The following INF2 variants were observed in gnomAD, a reference collection of about 807,000 sequenced individuals.
The protein encoded by INF2 is inverted formin-2.
INF2 carries 43 observed loss-of-function variants against 123.5 expected under a neutral mutation model. The ratio of observed to expected loss-of-function variants is 0.35; its 90% CI spans 0.27 to 0.45. The LOEUF (loss-of-function observed/expected upper bound fraction) is 0.45, where lower values mean the gene tolerates loss of function less well. INF2 is among the 20% of genes least tolerant of loss of function. The pLI is 1.00. For missense variants in INF2, 1,453 were observed against 1,682.7 expected, an observed-to-expected ratio of 0.86 and a Z score of 2.39; for synonymous variants, 851 against 745.0, an observed-to-expected ratio of 1.14 and a Z score of -2.32.
At chr14:104,718,246 A>G (rs1890406001) in intron 22 of INF2, among the ~76,000 whole-genome samples, 2 of 152,176 alleles carry the variant, frequency 1.3e-5, no homozygotes, top group Admixed American at 6.5e-5. Context: ...ACACTCAGAC[A>G]AGGGCCATCG....
chr14:104,710,453 A>G (rs1028728813), intron 13 of INF2, among the ~76,000 whole-genome samples: 5 of 151,578 alleles, frequency 3.3e-5, no homozygotes, highest in Admixed American at 1.3e-4. Flanking sequence ...CGGCACGCGC[A>G]CACACAAGCA....
Position 104,711,753 on chromosome 14 carries a change from G to A in INF2, c.2489+54G>A, listed in dbSNP as rs986845767. ...TCAGCCAGGTGGGGGCCTGACTTCT[G>A]TCCCCAGGCAGTGAGGTGGCTGCCC... On this transcript the variant is annotated intron_variant, in intron 16 of 22. Coordinates refer to ENST00000392634, the MANE Select transcript of INF2 (RefSeq NM_022489.4). The A allele has an allele frequency of 9.7e-6, 15 of 1,545,966 alleles. No individual in the cohort carries two copies. The African/African-American group carries it at 1.4e-4, about 14-fold the overall frequency.
chr14:104,711,302 C>G, intron 15 of INF2, 116 bp downstream of exon 15: 1 of 900,074 alleles, frequency 1.1e-6, no homozygotes, highest in Non-Finnish European at 1.7e-6. Flanking sequence ...GTCTCCCTGT[C>G]TCAGGGCTCC....
At chr14:104,704,069 C>A (rs747085662) in intron 5 of INF2, 120 bp downstream of exon 5, 110 of 1,552,076 alleles carry the variant, frequency 7.1e-5, no homozygotes, top group Non-Finnish European at 8.9e-5. Context: ...AGGGAGGTGG[C>A]TCCCTCGGAG....
chr14:104,717,950 G>C (rs1595184852), intron 22 of INF2, among the ~76,000 whole-genome samples: 1 of 152,106 alleles, frequency 6.6e-6, no homozygotes, highest in Non-Finnish European at 1.5e-5. Context: ...CCGTGCATTT[G>C]ATGGGGACCA....
chr14:104,688,909 G>A (rs1233042744), upstream of INF2, among the ~76,000 whole-genome samples: 1 of 152,268 alleles, frequency 6.6e-6, no homozygotes, highest in Non-Finnish European at 1.5e-5. Flanking sequence ...TGTCGGCGGT[G>A]GGGGGATGGG....
At chr14:104,694,234 C>T (rs1168790932) in intron 1 of INF2, among the ~76,000 whole-genome samples, 3 of 152,242 alleles carry the variant, frequency 2.0e-5, no homozygotes, top group Admixed American at 2.0e-4. Context: ...GGAGAACATC[C>T]TGGCCATTTT....
At chr14:104,706,490 C>G (rs2140664363) in intron 6 of INF2, among the ~76,000 whole-genome samples, 1 of 152,316 alleles carries the variant, frequency 6.6e-6, no homozygotes, top group South Asian at 2.1e-4. Flanking sequence ...TGGGCCCCAG[C>G]TGCCCAGTCC....
At chr14:104,708,299 G>T (rs1271732881) in intron 8 of INF2, 137 bp from the exon 9 acceptor site, 3 of 1,141,304 alleles carry the variant, frequency 2.6e-6, no homozygotes, top group Non-Finnish European at 3.7e-6. Context: ...TAGGGTGCCT[G>T]CTGTACGCTG....
chr14:104,703,562 AC>A, intron 4 of INF2, 108 bp downstream of exon 4: 1 of 1,443,666 alleles, frequency 6.9e-7, no homozygotes, highest in Non-Finnish European at 9.6e-7. Context: ...GCTGCCCCCG[AC>A]CCAGGGCCCC....
chr14:104,717,359 C>T (rs117495592), intron 22 of INF2, among the ~76,000 whole-genome samples: 2,055 of 148,410 alleles, frequency 0.014, 27 homozygotes, highest in South Asian at 0.045. Flanking sequence ...GGTGCGCTGC[C>T]GTCCTCCCAG....
chr14:104,702,005 T>G (rs1353065816), intron 2 of INF2, among the ~76,000 whole-genome samples: 2 of 152,136 alleles, frequency 1.3e-5, no homozygotes, highest in Non-Finnish European at 2.9e-5. Flanking sequence ...TGTGCCCCTC[T>G]CTGTTGTGTG....
At chr14:104,717,838 G>A (rs1352031679) in intron 22 of INF2, among the ~76,000 whole-genome samples, 1 of 152,224 alleles carries the variant, frequency 6.6e-6, no homozygotes, top group East Asian at 1.9e-4. Context: ...AACCGCTGCA[G>A]CGCGGTTCTG....
At chr14:104,709,574 G>A (rs749800112) in intron 11 of INF2, 46 bp from the exon 12 acceptor site, 1 of 1,558,300 alleles carries the variant, frequency 6.4e-7, no homozygotes, top group Non-Finnish European at 8.8e-7. Context: ...CGGGAGGGCG[G>A]GAAGCTGGCA....
At chr14:104,700,718 C>G (rs921805943) in intron 1 of INF2, 9 of 405,130 alleles carry the variant, frequency 2.2e-5, no homozygotes, top group African/African-American at 2.0e-4. Context: ...TGGTAAAACC[C>G]TGAGTGCCAA....
At position 104,710,931 on chromosome 14, in the gene INF2, C is replaced by T; in HGVS notation, c.2240-6C>T. The T allele has an allele frequency of 2.5e-6, 4 of 1,612,120 alleles. 1 individual carries two copies. The South Asian group carries it at 4.4e-5, about 18-fold the overall frequency. ...AGCCCCTCTCCAGCCCTGGCTGCCC[C>T]TGCAGGCCTGCTCACCAGCCGCCAG... is the stretch of plus-strand genomic sequence containing the variant. On this transcript the variant is annotated splice_region_variant and splice_polypyrimidine_tract_variant and intron_variant, in intron 13 of 22. Transcript: ENST00000392634.
Position 104,691,734 on chromosome 14 carries a change from C to T in INF2, c.-10+1995C>T, listed in dbSNP as rs543298138. Among the ~76,000 whole-genome samples the T allele has an allele frequency of 2.6e-5, 4 of 152,230 alleles. 1 individual carries two copies. The South Asian group carries it at 8.3e-4, about 32-fold the overall frequency. On this transcript the variant is annotated intron_variant, in intron 1 of 22. Coordinates refer to ENST00000392634, the MANE Select transcript of INF2 (RefSeq NM_022489.4). ...GTGGGAAGGAGAGAGGGCAGGGGCACGGGCTCCCCGTCGCTGGAGGGGTGA... is the reference window on the plus strand; with the variant it reads ...GTGGGAAGGAGAGAGGGCAGGGGCATGGGCTCCCCGTCGCTGGAGGGGTGA...
rs189246680 is a variant in INF2 at position 104,699,267 on chromosome 14, G to T, written c.-9-2090G>T. 1 of 366,058 alleles carries T rather than the reference G, an allele frequency of 2.7e-6. No homozygotes were observed. The highest frequency in any genetic ancestry group is 2.3e-5 in the African/African-American group (1 of 44,372). 22.7% of individuals were successfully genotyped at this position (366,058 alleles called of 1,614,324 possible). ...CGGGCCTGGGAGAGTTCATAACTCC[G>T]TCCACTCAGCCTGTGCCAAGGGGAC... On this transcript the variant is annotated intron_variant, in intron 1 of 22. Transcript: ENST00000392634. This position sits in a 1 kb window ranked among gnomAD's most constrained non-coding sequence, Gnocchi z 4.7.
chr14:104,714,791 CCCGGGG>C lies in INF2; in HGVS notation c.3635_3640del (p.Gly1212_Arg1213del). 1.3e-6 allele frequency: 2 copies of C among 1,597,204 alleles called. No homozygotes were observed. Among genetic ancestry groups the C allele is most frequent in the Non-Finnish European group, 1.7e-6 (2 of 1,173,936 alleles). On this transcript the variant is annotated inframe_deletion, in exon 21 of 23. Transcript: ENST00000392634. ...TCGGGGTCGGGCACACTCCCCAGGGCCCGGGGCCGGGCCTCAAAGGGGACCGGGAAG... is the reference window on the plus strand; with the variant it reads ...TCGGGGTCGGGCACACTCCCCAGGGCCCGGGCCTCAAAGGGGACCGGGAAG...
Sources: gnomAD v4.1 joint callset for allele counts (sites outside exome capture counted in the v4.1 genomes callset) on GRCh38, gnomAD v4.1.1 for gene constraint, Gnocchi (gnomAD v3.1) non-coding constraint, MANE v1.5 for transcripts, NCBI Gene and HGNC (gene_info 2026-07-23, HGNC 2026-07-21) for gene names.